Variants in ZNF778 observed in about 807,000 individuals in gnomAD.
The protein encoded by ZNF778 is zinc finger protein 778.
In ZNF778, 37 loss-of-function variants were observed where a neutral mutation model predicts 23.9. The observed-to-expected ratio is 1.54, with a 90% CI of 1.19 to 2.03. The LOEUF (loss-of-function observed/expected upper bound fraction) is 2.03. ZNF778 is among the 30% of genes most tolerant of loss of function. The pLI is 0.00. For synonymous variants in ZNF778, 483 were observed against 343.9 expected (o/e 1.40, Z -4.48); for missense variants, 1,297 against 934.4 (o/e 1.39, Z -5.06).
At position 89,227,268 on chromosome 16, in the gene ZNF778, A is replaced by G. The variant is rs927665365; in HGVS notation, c.980A>G (p.His327Arg). Reference protein sequence around the residue: ...ASPVSSSLTQHVRIHAAEKPC... With the variant: ...ASPVSSSLTQRVRIHAAEKPC... ...CCTGTTTCTTCCAGCCTAACTCAAC[A>G]TGTAAGAATTCATGCTGCAGAGAAA... The change falls in exon 7 of 7, where the codon CAT becomes CGT. Residue 327 changes from histidine to arginine, a missense_variant. Physicochemically the swap from His to Arg is conservative, Grantham distance 29. Transcript: ENST00000433976. 1.5e-5 allele frequency: 24 copies of G among 1,614,012 alleles called. No homozygotes were observed. The highest frequency in any genetic ancestry group is 1.9e-5 in the Non-Finnish European group (23 of 1,179,878).
At chr16:89,223,108 T>C in intron 3 of ZNF778, 49 bp from the exon 4 acceptor site, 1 of 1,590,402 alleles carries the variant, frequency 6.3e-7, no homozygotes, top group Non-Finnish European at 8.6e-7. Flanking sequence ...CTTCAGTGAA[T>C]ACCGATGGAC....
At chr16:89,220,257 A>G (rs553612331) in intron 1 of ZNF778, among the ~76,000 whole-genome samples, 42 of 152,360 alleles carry the variant, frequency 2.8e-4, no homozygotes, top group African/African-American at 8.7e-4. Flanking sequence ...TTTTTCTGAC[A>G]TGTGAAACTT....
chr16:89,226,952 G>T lies in ZNF778; in HGVS notation c.664G>T (p.Asp222Tyr). The T allele has an allele frequency of 6.2e-7, 1 of 1,614,022 alleles. No individual in the cohort carries two copies. The highest frequency in any genetic ancestry group is 8.5e-7 in the Non-Finnish European group (1 of 1,179,900). The change falls in exon 7 of 7, where the codon GAC becomes TAC. Residue 222 changes from aspartate to tyrosine, a missense_variant. Coordinates refer to ENST00000433976, the MANE Select transcript of ZNF778 (RefSeq NM_001201407.2). ...NVVSQQACTRDRSLDYSSCGE... is the reference protein window; with the variant it reads ...NVVSQQACTRYRSLDYSSCGE... ...TGTTTCCCAGCAAGCATGCACTCGG[G>T]ACAGATCTCTTGACTACAGCAGCTG...
Position 89,227,896 on chromosome 16 carries a change from G to C in ZNF778, c.1608G>C (p.Lys536Asn). The C allele has an allele frequency of 6.2e-7, 1 of 1,614,116 alleles. No individual in the cohort carries two copies. ...THTGEKPYEC[K>N]DCGKAYNRVY... Reference sequence around the variant, plus strand: ...CCGGGGAGAAGCCCTATGAATGTAAGGACTGTGGGAAAGCCTACAATAGGG... The same window carrying C: ...CCGGGGAGAAGCCCTATGAATGTAACGACTGTGGGAAAGCCTACAATAGGG... The change falls in exon 7 of 7, where the codon AAG (lysine) becomes AAC (asparagine). Residue 536 changes from lysine (K) to asparagine (N), a missense_variant. Coordinates refer to ENST00000433976, the MANE Select transcript of ZNF778 (RefSeq NM_001201407.2).
rs1448046244 is a variant in ZNF778, at chr16:89,231,887, CTGTT to C, written c.*3328_*3331del. 6.6e-6 allele frequency: 1 copy of C among 152,330 alleles called. No individual in the cohort carries two copies. The highest frequency in any genetic ancestry group is 1.9e-4 in the East Asian group (1 of 5,200). The allele number at this position is 152,330 out of a possible 1,614,324, so 9.4% of individuals were successfully genotyped here. On this transcript the variant is annotated 3_prime_UTR_variant, in exon 7 of 7. Coordinates refer to ENST00000433976, the MANE Select transcript of ZNF778 (RefSeq NM_001201407.2). ...AGAGCCTCTTCTTTACACATACTAA[CTGTT>C]TGCTTCATACCCTCCTGCAGCAGAA... is the stretch of plus-strand genomic sequence containing the variant.
In ZNF778 at chr16:89,217,712, A is replaced by T. The variant is rs2030471957; in HGVS notation, c.-330A>T. 6.6e-6 allele frequency: 1 copy of T among 152,244 alleles called. No homozygotes were observed. Among genetic ancestry groups the T allele is most frequent in the African/African-American group, 2.4e-5 (1 of 41,452 alleles). The allele number at this position is 152,244 out of a possible 1,614,324, so 9.4% of individuals were successfully genotyped here. On this transcript the variant is annotated 5_prime_UTR_variant, in exon 1 of 7. Transcript: ENST00000433976. ...CCGGCCCCGCCTCCGCCTGTCTTAC[A>T]GCTGATCCGGTTCTTGCGGCGGTGC...
intron 3 of ZNF778, among the ~76,000 whole-genome samples, chr16:89,222,404 C>T (rs2031045930): frequency 6.6e-6 from 1 of 152,124 alleles, no homozygotes; most frequent in African/African-American, 2.4e-5. Flanking sequence ...CGCTTTGTCG[C>T]CCAGGCTGGA....
rs553436345 is a variant in ZNF778, at chr16:89,234,009, T to C, written c.*5447T>C. 8 of 1,160,284 alleles carry C rather than the reference T, an allele frequency of 6.9e-6. No homozygotes were observed. The East Asian group carries it at 4.0e-4, about 59-fold the overall frequency. The allele number at this position is 1,160,284 out of a possible 1,614,324, so 71.9% of individuals were successfully genotyped here. Reference sequence around the variant, plus strand: ...ATCCTGCCCTGTCCTGCCTTTCCTGTGAAAACCCTGTGGCCTCTGCCTCCC... The same window carrying C: ...ATCCTGCCCTGTCCTGCCTTTCCTGCGAAAACCCTGTGGCCTCTGCCTCCC... On this transcript the variant is annotated 3_prime_UTR_variant, in exon 7 of 7. Coordinates refer to ENST00000433976, the MANE Select transcript of ZNF778 (RefSeq NM_001201407.2).
chr16:89,222,253 A>T, intron 3 of ZNF778, 70 bp downstream of exon 3: 3 of 1,246,002 alleles, frequency 2.4e-6, no homozygotes, highest in Non-Finnish European at 3.4e-6. Context: ...TTTCTGTCTG[A>T]GCAGACTTGT....
rs541996702 is a variant in ZNF778 at position 89,234,608 on chromosome 16, T to C, written c.*6046T>C. 1.2e-5 allele frequency: 2 copies of C among 160,190 alleles called. No homozygotes were observed. The highest frequency in any genetic ancestry group is 2.8e-5 in the Non-Finnish European group (2 of 72,690). The allele number at this position is 160,190 out of a possible 1,614,324, so 9.9% of individuals were successfully genotyped here. A position where few individuals can be genotyped will look rare whatever the true frequency, so the allele number is the denominator to read the frequency against. ...TTTCCACTTCACCTGTTTCCACTTT[T>C]GTGATGATGCCTTAAGGAAAAAGAT... On this transcript the variant is annotated 3_prime_UTR_variant, in exon 7 of 7. Transcript: ENST00000433976.
At position 89,229,309 on chromosome 16, in the gene ZNF778, G is replaced by C. The variant is rs535671169; in HGVS notation, c.*747G>C. The C allele has an allele frequency of 1.0e-6, 1 of 985,372 alleles. No homozygotes were observed. Among genetic ancestry groups the C allele is most frequent in the Non-Finnish European group, 1.2e-6 (1 of 829,994 alleles). The allele number at this position is 985,372 out of a possible 1,614,324, so 61.0% of individuals were successfully genotyped here. A position where few individuals can be genotyped will look rare whatever the true frequency, so the allele number is the denominator to read the frequency against. On this transcript the variant is annotated 3_prime_UTR_variant, in exon 7 of 7. Transcript: ENST00000433976. Reference sequence around the variant, plus strand: ...TGAGGATCCAGATGTGATTCTGTGAGCAGTGTAAGCTCTGGTTGGTTAGTC... The same window carrying C: ...TGAGGATCCAGATGTGATTCTGTGACCAGTGTAAGCTCTGGTTGGTTAGTC...
intron 1 of ZNF778, 121 bp downstream of exon 1, chr16:89,218,031 G>A (rs1837141391): frequency 2.0e-5 from 3 of 152,160 alleles, no homozygotes; most frequent in Admixed American, 2.0e-4. Flanking sequence ...GAAGCGTAAG[G>A]TAGACCCCTG....
chr16:89,228,089 T>G lies in ZNF778; in HGVS notation c.1801T>G (p.Ser601Ala), dbSNP rs1427831942. Residue 601 changes from serine to alanine, a missense_variant, in exon 7 of 7, where the codon TCT becomes GCT. Physicochemically the swap from Ser to Ala is moderately conservative, Grantham distance 99. Coordinates refer to ENST00000433976, the MANE Select transcript of ZNF778 (RefSeq NM_001201407.2). ...GGACTGTGGGAAAACATTCACTGTT[T>G]CTTCGAGCCTAACCGAGCACATACG... The part of the protein sequence containing the change: ...CKDCGKTFTV[S>A]SSLTEHIRTH... 6.2e-7 allele frequency: 1 copy of G among 1,612,924 alleles called. No individual in the cohort carries two copies. The highest frequency in any genetic ancestry group is 8.5e-7 in the Non-Finnish European group (1 of 1,179,186).
chr16:89,227,605 C>A lies in ZNF778; in HGVS notation c.1317C>A (p.His439Gln). 2 of 1,614,164 alleles carry A rather than the reference C, an allele frequency of 1.2e-6. No individual in the cohort carries two copies. Among genetic ancestry groups the A allele is most frequent in the Non-Finnish European group, 1.7e-6 (2 of 1,180,020 alleles). The change falls in exon 7 of 7, where the codon CAC becomes CAA. Residue 439 changes from histidine to glutamine, a missense_variant. By Grantham distance (24) the His-to-Gln change is conservative (BLOSUM62 0). Transcript: ENST00000433976. ...CTGTGCGCTGTGGCCTTACTAGACA[C>A]GTACGAACACACACGGGCGAGAAGC... is the stretch of plus-strand genomic sequence containing the variant. The part of the protein sequence containing the change: ...AFTVRCGLTR[H>Q]VRTHTGEKPY...
rs1428997430 is a variant in ZNF778 at position 89,228,818 on chromosome 16, T to G, written c.*256T>G. On this transcript the variant is annotated 3_prime_UTR_variant, in exon 7 of 7. Coordinates refer to ENST00000433976, the MANE Select transcript of ZNF778 (RefSeq NM_001201407.2). ...TATTGATGTGTGATATGCAGCAGCATTGTTGCTGTTCTGCTCAGTACTTTG... is the reference window on the plus strand; with the variant it reads ...TATTGATGTGTGATATGCAGCAGCAGTGTTGCTGTTCTGCTCAGTACTTTG... The G allele has an allele frequency of 8.2e-7, 1 of 1,221,992 alleles. No individual in the cohort carries two copies. Among genetic ancestry groups the G allele is most frequent in the Non-Finnish European group, 1.0e-6 (1 of 978,628 alleles). The allele number at this position is 1,221,992 out of a possible 1,614,324, so 75.7% of individuals were successfully genotyped here.
intron 3 of ZNF778, among the ~76,000 whole-genome samples, chr16:89,222,402 C>T (rs937876590): frequency 2.0e-5 from 3 of 151,986 alleles, no homozygotes; most frequent in Non-Finnish European, 2.9e-5. Context: ...CTCGCTTTGT[C>T]GCCCAGGCTG....
At position 89,228,543 on chromosome 16, in the gene ZNF778, CTGA is replaced by C; in HGVS notation, c.2259_2261del (p.Asp753del). ...CTTAACCATCACACTCAAATTCACA[CTGA>C]TGAGAAACCTTTCTAATGTAAAGAA... is the stretch of plus-strand genomic sequence containing the variant. On this transcript the variant is annotated inframe_deletion, in exon 7 of 7. Coordinates refer to ENST00000433976, the MANE Select transcript of ZNF778 (RefSeq NM_001201407.2). 1 of 1,588,894 alleles carries C rather than the reference CTGA, an allele frequency of 6.3e-7. No homozygotes were observed. The highest frequency in any genetic ancestry group is 8.5e-7 in the Non-Finnish European group (1 of 1,170,318).
intron 4 of ZNF778, among the ~76,000 whole-genome samples, chr16:89,223,532 C>T (rs1283710175): frequency 6.6e-6 from 1 of 152,176 alleles, no homozygotes; most frequent in Admixed American, 6.5e-5. Context: ...AGAATGTCTC[C>T]TGGGGGTGGG....
intron 4 of ZNF778, 112 bp downstream of exon 4, chr16:89,223,395 T>A (rs940331450): frequency 2.1e-6 from 3 of 1,459,032 alleles, no homozygotes; most frequent in South Asian, 1.2e-5. Flanking sequence ...GTAAGAGATA[T>A]AACAACTGTG....
Sources: allele counts gnomAD v4.1 joint callset (sites outside exome capture counted in the v4.1 genomes callset), GRCh38; gene constraint gnomAD v4.1.1; transcripts MANE v1.5; gene names NCBI Gene and HGNC (gene_info 2026-07-23, HGNC 2026-07-21).